LAT2: variants seen among roughly 807,000 people sequenced by gnomAD.
The protein encoded by LAT2 is linker for activation of T cells family member 2, also known as linker for activation of T-cells family member 2.
In LAT2, 23 loss-of-function variants were observed where a neutral mutation model predicts 43.4. The ratio of observed to expected loss-of-function variants is 0.53; its 90% CI spans 0.38 to 0.75. The LOEUF (loss-of-function observed/expected upper bound fraction) is 0.75. LAT2 is among the 30% of genes least tolerant of loss of function. LAT2 has a pLI of 0.00. For synonymous variants in LAT2, 128 were observed against 123.2 expected (o/e 1.04, Z -0.26); for missense variants, 284 against 310.2 (o/e 0.92, Z 0.64).
intron 1 of LAT2, among the ~76,000 whole-genome samples, chr7:74,211,678 C>T (rs1801743012): frequency 6.6e-6 from 1 of 151,982 alleles, no homozygotes. Flanking sequence ...AGGATGGTCT[C>T]AATCTCCTGA....
intron 10 of LAT2, among the ~76,000 whole-genome samples, 187 bp from the exon 11 acceptor site, chr7:74,223,537 A>G (rs917661096): frequency 2.0e-5 from 3 of 152,084 alleles, no homozygotes; most frequent in Non-Finnish European, 4.4e-5. Context: ...AAGAGCATGC[A>G]GGGGCACCAG....
chr7:74,217,489 A>G (rs953417471), intron 4 of LAT2, among the ~76,000 whole-genome samples: 18 of 152,150 alleles, frequency 1.2e-4, no homozygotes, highest in African/African-American at 4.1e-4. Context: ...CTGTGTCCTC[A>G]GCCTCCCTTT....
chr7:74,210,706 G>A (rs1272463658), intron 1 of LAT2, among the ~76,000 whole-genome samples: 2 of 152,182 alleles, frequency 1.3e-5, no homozygotes, highest in East Asian at 3.8e-4. Flanking sequence ...CCAGCATTTG[G>A]GGAGGCCAAG....
chr7:74,227,594 G>A (rs1318629679), intron 13 of LAT2, among the ~76,000 whole-genome samples: 1 of 152,200 alleles, frequency 6.6e-6, no homozygotes, highest in Non-Finnish European at 1.5e-5. Flanking sequence ...AGACAAATGG[G>A]TACTGGGAGA....
chr7:74,215,801 T>G (rs541145736), intron 2 of LAT2, 146 bp from the exon 3 acceptor site: 26 of 660,022 alleles, frequency 3.9e-5, no homozygotes, highest in Non-Finnish European at 7.1e-5. Context: ...CAGGACTGGT[T>G]CTGTCCTTGC....
intron 1 of LAT2, among the ~76,000 whole-genome samples, chr7:74,213,296 C>T (rs1456469813): frequency 5.4e-5 from 8 of 149,240 alleles, no homozygotes; most frequent in Non-Finnish European, 1.2e-4. Flanking sequence ...TTTTTGTATT[C>T]TTTTTTAGTA....
intron 5 of LAT2, 54 bp from the exon 6 acceptor site, chr7:74,219,906 G>A: frequency 1.2e-6 from 2 of 1,612,560 alleles, no homozygotes; most frequent in Admixed American, 1.7e-5. Context: ...GATGGGGTGA[G>A]GGGGCTGGGC....
chr7:74,221,410 C>CAAAAAAA (rs782694803), intron 9 of LAT2, among the ~76,000 whole-genome samples: 11 of 21,086 alleles, frequency 5.2e-4, no homozygotes, highest in African/African-American at 1.0e-3. Flanking sequence ...GACTCTGTCT[C>CAAAAAAA]AAAAAAAAAA....
At chr7:74,212,213 G>C (rs1166820779) in intron 1 of LAT2, among the ~76,000 whole-genome samples, 2 of 152,038 alleles carry the variant, frequency 1.3e-5, no homozygotes, top group Non-Finnish European at 2.9e-5. Flanking sequence ...CCAGTGTTGA[G>C]ATTACAGGCG....
rs1802030373 is a variant in LAT2 at position 74,216,030 on chromosome 7, G to C, written c.55G>C (p.Gly19Arg). The C allele has an allele frequency of 6.2e-7, 1 of 1,613,714 alleles. No homozygotes were observed. Among genetic ancestry groups the C allele is most frequent in the Non-Finnish European group, 8.5e-7 (1 of 1,179,914 alleles). ...CGGAGCAGCGCTGCTGGTGCTGTTG[G>C]GGGTGGCAGCCAGTCTGTGTGTGCG... The part of the protein sequence containing the change: ...WPGAALLVLL[G>R]VAASLCVRCS... Residue 19 changes from glycine to arginine, a missense_variant, in exon 3 of 14, where the codon GGG (glycine) becomes CGG (arginine). By Grantham distance (125) the Gly-to-Arg change is moderately radical (BLOSUM62 -2). Transcript: ENST00000460943.
Position 74,224,668 on chromosome 7 carries a change from C to G in LAT2, c.658C>G (p.Pro220Ala). 2 of 1,607,176 alleles carry G rather than the reference C, an allele frequency of 1.2e-6. No homozygotes were observed. The highest frequency in any genetic ancestry group is 1.7e-6 in the Non-Finnish European group (2 of 1,177,164). ...GQLQREASPG[P>A]VGSPDEEDGE... ...ACTCCAGAGAGAAGCATCCCCTGGC[C>G]CGGTGGGAAGCCCAGACGAGGAGGA... The change falls in exon 13 of 14, where the codon CCG (proline) becomes GCG (alanine). Residue 220 changes from proline to alanine, a missense_variant. Coordinates refer to ENST00000460943, the MANE Select transcript of LAT2 (RefSeq NM_032464.3).
chr7:74,223,394 G>A (rs892490074), intron 10 of LAT2, among the ~76,000 whole-genome samples: 11 of 152,212 alleles, frequency 7.2e-5, no homozygotes, highest in African/African-American at 2.7e-4. Context: ...GGAGGCTGCG[G>A]GGTAGGAAGA....
chr7:74,211,578 C>T (rs1415992802), intron 1 of LAT2, among the ~76,000 whole-genome samples: 1 of 152,056 alleles, frequency 6.6e-6, no homozygotes, highest in Non-Finnish European at 1.5e-5. Flanking sequence ...CTGCCTCAGC[C>T]TCCCGAGTAG....
intron 5 of LAT2, 35 bp downstream of exon 5, chr7:74,219,822 G>A (rs1554714813): frequency 1.2e-6 from 2 of 1,613,722 alleles, no homozygotes; most frequent in Admixed American, 1.7e-5. Context: ...TGGGCTCTGG[G>A]TTGGGGGTGT....
chr7:74,219,037 TTTTTTTTTTTG>T (rs1802153803), intron 4 of LAT2, among the ~76,000 whole-genome samples: 17 of 85,896 alleles, frequency 2.0e-4, no homozygotes, highest in South Asian at 4.0e-4. Context: ...TTTTTTTTTT[TTTTTTTTTTTG>T]AGACGGAGTC....
rs909780706 is a variant in LAT2, at chr7:74,221,665, T to C, written c.361T>C (p.Trp121Arg). ...CCCCATTGCCATGGAGTATTACAAC[T>C]GGGGGCGGTTCTCGAAGCCCCCAGA... ...IDPIAMEYYNWGRFSKPPEDD... is the reference protein window; with the variant it reads ...IDPIAMEYYNRGRFSKPPEDD... The change falls in exon 10 of 14, where the codon TGG becomes CGG. Residue 121 changes from tryptophan (W) to arginine (R), a missense_variant. Coordinates refer to ENST00000460943, the MANE Select transcript of LAT2 (RefSeq NM_032464.3). 1 of 1,613,256 alleles carries C rather than the reference T, an allele frequency of 6.2e-7. No individual in the cohort carries two copies. The highest frequency in any genetic ancestry group is 8.5e-7 in the Non-Finnish European group (1 of 1,179,610).
intron 1 of LAT2, among the ~76,000 whole-genome samples, chr7:74,214,321 A>AATATATATATAAATATATATATGAAC (rs1563967200): frequency 6.6e-5 from 4 of 61,014 alleles, no homozygotes; most frequent in Non-Finnish European, 1.1e-4. Context: ...TATATATGAA[A>AATATATATATAAATATATATATGAAC]ATATATATAT....
At chr7:74,225,094 G>C (rs113257626) in intron 13 of LAT2, 5,201 of 199,156 alleles carry the variant, frequency 0.026, 296 homozygotes, top group African/African-American at 0.11. Flanking sequence ...ACCTCTCAGA[G>C]AAGACATCGC....
intron 13 of LAT2, among the ~76,000 whole-genome samples, chr7:74,227,521 A>T (rs539927580): frequency 6.6e-6 from 1 of 152,104 alleles, no homozygotes; most frequent in Non-Finnish European, 1.5e-5. Context: ...TGCCTGGCTA[A>T]TGGGAAGGTT....
Sources: gnomAD v4.1 joint callset for allele counts (sites outside exome capture counted in the v4.1 genomes callset) on GRCh38, gnomAD v4.1.1 for gene constraint, MANE v1.5 for transcripts, NCBI Gene and HGNC (gene_info 2026-07-23, HGNC 2026-07-21) for gene names.